SLC35F1: variants seen among roughly 807,000 people sequenced by gnomAD.
The protein encoded by SLC35F1 is chromosome 6 open reading frame 169.
SLC35F1 carries 14 observed loss-of-function variants against 48.7 expected under a neutral mutation model. The observed-to-expected ratio is 0.29, with a 90% confidence interval of 0.19 to 0.45. SLC35F1 has a LOEUF of 0.45. Ranked by LOEUF, SLC35F1 falls within the 20% of genes least tolerant of loss-of-function variation. The pLI is 1.00. For missense variants in SLC35F1, 404 were observed against 500.0 expected, an observed-to-expected ratio of 0.81 and a Z score of 1.83; for synonymous variants, 190 against 202.2, an observed-to-expected ratio of 0.94 and a Z score of 0.51.
chr6:118,130,479 AAAAC>A (rs968537801), intron 1 of SLC35F1, among the ~76,000 whole-genome samples: 2 of 152,196 alleles, frequency 1.3e-5, no homozygotes, highest in African/African-American at 4.8e-5. Context: ...TCAAACAAAC[AAAAC>A]AAACGAACAA....
chr6:118,293,834 G>C (rs139169984), intron 7 of SLC35F1, among the ~76,000 whole-genome samples: 10 of 152,340 alleles, frequency 6.6e-5, no homozygotes, highest in African/African-American at 2.4e-4. Context: ...CATGTGGAGA[G>C]AGAATAAATT....
intron 3 of SLC35F1, among the ~76,000 whole-genome samples, chr6:118,240,571 G>C (rs1775425573): frequency 6.6e-6 from 1 of 152,158 alleles, no homozygotes; most frequent in Admixed American, 6.5e-5. Context: ...CCAGTCAAGT[G>C]GGAAAGGCAG....
chr6:118,143,440 A>G (rs544641440), intron 1 of SLC35F1, among the ~76,000 whole-genome samples: 24 of 152,316 alleles, frequency 1.6e-4, no homozygotes, highest in Non-Finnish European at 3.4e-4. Context: ...CAAAGTTCCT[A>G]TTTAAAACTA....
At chr6:118,277,405 C>A in intron 5 of SLC35F1, 89 bp from the exon 6 acceptor site, 2 of 1,172,786 alleles carry the variant, frequency 1.7e-6, no homozygotes, top group Non-Finnish European at 2.5e-6. Flanking sequence ...TATTTGTATA[C>A]ATCTGATAAG....
At chr6:118,162,658 G>A (rs551559670) in intron 2 of SLC35F1, among the ~76,000 whole-genome samples, 10 of 152,262 alleles carry the variant, frequency 6.6e-5, no homozygotes, top group East Asian at 3.9e-4. Context: ...TCCCTCAGTC[G>A]CTTAGAGATA....
At chr6:118,228,937 A>G (rs1775253714) in intron 2 of SLC35F1, among the ~76,000 whole-genome samples, 1 of 151,396 alleles carries the variant, frequency 6.6e-6, no homozygotes, top group African/African-American at 2.4e-5. Context: ...AGTTCCCAAA[A>G]TAACGCAGCT....
At chr6:118,218,643 G>A (rs144603132) in intron 2 of SLC35F1, among the ~76,000 whole-genome samples, 1 of 152,206 alleles carries the variant, frequency 6.6e-6, no homozygotes, top group East Asian at 1.9e-4. Flanking sequence ...AGCTCCTACT[G>A]TTTCTTTATG....
At chr6:118,102,881 T>C (rs1453966630) in intron 1 of SLC35F1, among the ~76,000 whole-genome samples, 8 of 152,168 alleles carry the variant, frequency 5.3e-5, no homozygotes, top group Non-Finnish European at 1.2e-4. Context: ...ATGAAGCTAG[T>C]GGAGTGGAAA....
At chr6:118,180,984 G>A (rs752952013) in intron 2 of SLC35F1, among the ~76,000 whole-genome samples, 16 of 151,844 alleles carry the variant, frequency 1.1e-4, no homozygotes, top group Non-Finnish European at 2.1e-4. Flanking sequence ...CCACAAAATA[G>A]TAACAATTAG....
intron 1 of SLC35F1, among the ~76,000 whole-genome samples, chr6:117,921,149 CT>C (rs1463195420): frequency 6.6e-6 from 1 of 151,824 alleles, no homozygotes; most frequent in Non-Finnish European, 1.5e-5. Flanking sequence ...AGCCCCCCAA[CT>C]TTTTTTACTA....
chr6:118,298,175 A>G (rs754561691), intron 7 of SLC35F1, among the ~76,000 whole-genome samples: 1 of 152,168 alleles, frequency 6.6e-6, no homozygotes, highest in Non-Finnish European at 1.5e-5. Flanking sequence ...AACCACTTTT[A>G]TTTATAAATT....
chr6:117,926,293 C>T (rs1415749977), intron 1 of SLC35F1, among the ~76,000 whole-genome samples: 1 of 152,180 alleles, frequency 6.6e-6, no homozygotes, highest in East Asian at 1.9e-4. Flanking sequence ...CTCTCTCCTG[C>T]TGCCCTGTGA....
At chr6:118,074,306 G>A (rs533824100) in intron 1 of SLC35F1, among the ~76,000 whole-genome samples, 5 of 152,268 alleles carry the variant, frequency 3.3e-5, no homozygotes, top group African/African-American at 1.2e-4. Context: ...AGTAATTCAG[G>A]TTGTGCAAAA....
intron 3 of SLC35F1, among the ~76,000 whole-genome samples, chr6:118,250,493 G>A (rs1464836965): frequency 1.3e-5 from 2 of 152,204 alleles, no homozygotes; most frequent in Middle Eastern, 3.2e-3. Flanking sequence ...TTAAGGAAAG[G>A]AATTGCATTT....
chr6:117,944,981 AAAC>A (rs1388107284), intron 1 of SLC35F1, among the ~76,000 whole-genome samples: 2 of 152,226 alleles, frequency 1.3e-5, no homozygotes, highest in African/African-American at 4.8e-5. Flanking sequence ...GCTCTGTGCC[AAAC>A]ACATTTTTGG....
intron 7 of SLC35F1, among the ~76,000 whole-genome samples, chr6:118,312,790 A>G (rs1776386163): frequency 6.6e-6 from 1 of 152,170 alleles, no homozygotes; most frequent in South Asian, 2.1e-4. Flanking sequence ...GCTTTGTACT[A>G]TAGCCTTGTA....
chr6:117,923,889 CATATACACATATATGTGTGTGTACATAT>C (rs1325533668), intron 1 of SLC35F1, among the ~76,000 whole-genome samples: 2 of 146,978 alleles, frequency 1.4e-5, no homozygotes, highest in East Asian at 4.0e-4. Flanking sequence ...TGTAGATACA[CATATACACATATATGTGTGTGTACATAT>C]ATACATATGT....
At chr6:118,047,860 G>A (rs543195270) in intron 1 of SLC35F1, among the ~76,000 whole-genome samples, 1 of 152,182 alleles carries the variant, frequency 6.6e-6, no homozygotes, top group African/African-American at 2.4e-5. Flanking sequence ...TTTCCTAATT[G>A]AATACCCTTT....
chr6:117,927,478 G>T (rs1776043674), intron 1 of SLC35F1, among the ~76,000 whole-genome samples: 1 of 152,168 alleles, frequency 6.6e-6, no homozygotes, highest in Non-Finnish European at 1.5e-5. Context: ...AGAGGAAGAG[G>T]AGGGAAGGCG....
Sources: allele counts gnomAD v4.1 joint callset (sites outside exome capture counted in the v4.1 genomes callset), GRCh38; gene constraint gnomAD v4.1.1; transcripts MANE v1.5; gene names NCBI Gene and HGNC (gene_info 2026-07-23, HGNC 2026-07-21).